The following CCSER1 variants were observed in gnomAD, a reference collection of about 807,000 sequenced individuals.
CCSER1 encodes the protein coiled-coil serine rich protein 1.
CCSER1 carries 41 observed loss-of-function variants against 82.0 expected under a neutral mutation model. The observed-to-expected ratio is 0.50, with a 90% confidence interval of 0.39 to 0.65. The LOEUF (loss-of-function observed/expected upper bound fraction) is 0.65, where lower values mean the gene tolerates loss of function less well. Among genes scored for constraint, CCSER1 ranks in the 30% least tolerant of loss-of-function variants. The pLI is 0.00. For synonymous variants in CCSER1, 414 were observed against 383.9 expected, an observed-to-expected ratio of 1.08 and a Z score of -0.92; for missense variants, 1,119 against 1,064.2, an observed-to-expected ratio of 1.05 and a Z score of -0.72.
At chr4:90,205,152 A>G (rs1017518322) in intron 1 of CCSER1, among the ~76,000 whole-genome samples, 2 of 152,166 alleles carry the variant, frequency 1.3e-5, no homozygotes, top group Non-Finnish European at 2.9e-5. Context: ...AGATAATTTG[A>G]TGTTCTGTCT....
At chr4:90,477,181 A>G (rs1450425935) in intron 5 of CCSER1, among the ~76,000 whole-genome samples, 1 of 152,216 alleles carries the variant, frequency 6.6e-6, no homozygotes, top group East Asian at 1.9e-4. Context: ...TCTTCTAGTA[A>G]TACTATAAAT....
chr4:91,567,451 T>G (rs13102194), intron 10 of CCSER1, among the ~76,000 whole-genome samples: 17 of 152,084 alleles, frequency 1.1e-4, no homozygotes, highest in African/African-American at 4.1e-4. Flanking sequence ...AATTTTCTGC[T>G]TCAGTTATCT....
At chr4:91,101,633 CA>C (rs33926247) in intron 10 of CCSER1, among the ~76,000 whole-genome samples, 8 of 146,590 alleles carry the variant, frequency 5.5e-5, no homozygotes, top group African/African-American at 1.0e-4. Flanking sequence ...GACTCCGTCT[CA>C]AAAAAAAAAA....
intron 5 of CCSER1, among the ~76,000 whole-genome samples, chr4:90,627,712 G>T (rs901019646): frequency 1.3e-5 from 2 of 151,958 alleles, no homozygotes; most frequent in African/African-American, 4.8e-5. Flanking sequence ...TGGAAGCAGT[G>T]GTGCACGCCT....
intron 5 of CCSER1, among the ~76,000 whole-genome samples, chr4:90,603,062 A>G (rs747136826): frequency 6.6e-6 from 1 of 152,214 alleles, no homozygotes; most frequent in African/African-American, 2.4e-5. Flanking sequence ...GAGGTTGTGT[A>G]GAAATGTCAG....
At chr4:90,393,772 C>CTTT (rs997027362) in intron 3 of CCSER1, among the ~76,000 whole-genome samples, 536 of 111,218 alleles carry the variant, frequency 4.8e-3, no homozygotes, top group East Asian at 0.023. Context: ...TTATATCTTC[C>CTTT]TTTTTTTTTT....
intron 1 of CCSER1, among the ~76,000 whole-genome samples, chr4:90,264,633 GT>G (rs1724926651): frequency 6.6e-6 from 1 of 151,876 alleles, no homozygotes; most frequent in Non-Finnish European, 1.5e-5. Context: ...TCTCCTTTTG[GT>G]GTCAATCAGT....
chr4:90,597,206 C>T (rs1579370625), intron 5 of CCSER1, among the ~76,000 whole-genome samples: 1 of 151,804 alleles, frequency 6.6e-6, no homozygotes, highest in Non-Finnish European at 1.5e-5. Flanking sequence ...GGAAAAATAC[C>T]GTAACCTGCA....
intron 5 of CCSER1, among the ~76,000 whole-genome samples, chr4:90,496,014 T>G (rs1227647689): frequency 6.6e-6 from 1 of 152,224 alleles, no homozygotes; most frequent in Non-Finnish European, 1.5e-5. Context: ...TTATGGTTAT[T>G]TGCTCAGAGT....
chr4:90,427,108 G>T (rs964328268), intron 4 of CCSER1, among the ~76,000 whole-genome samples: 4 of 152,014 alleles, frequency 2.6e-5, no homozygotes, highest in South Asian at 2.1e-4. Flanking sequence ...AGACAATTTT[G>T]TGTGTCTAAT....
chr4:90,464,882 A>T (rs1763414203), intron 4 of CCSER1, among the ~76,000 whole-genome samples: 1 of 152,350 alleles, frequency 6.6e-6, no homozygotes, highest in East Asian at 1.9e-4. Context: ...TTTTAAGTGC[A>T]ATTAAATAAT....
intron 10 of CCSER1, among the ~76,000 whole-genome samples, chr4:91,340,056 G>T (rs1747608316): frequency 6.6e-6 from 1 of 152,092 alleles, no homozygotes; most frequent in African/African-American, 2.4e-5. Flanking sequence ...GGCAGAGGTT[G>T]CAGTGAGCCA....
chr4:90,934,923 C>A lies in CCSER1; in HGVS notation c.2172+11476C>A, dbSNP rs191384296. Reference sequence around the variant, plus strand: ...TCCAGCCTGGGCAACAAGAGTGAAACTCCATCACACACACACACGCACACA... The same window carrying A: ...TCCAGCCTGGGCAACAAGAGTGAAAATCCATCACACACACACACGCACACA... On this transcript the variant is annotated intron_variant, in intron 9 of 10. Coordinates refer to ENST00000509176, the MANE Select transcript of CCSER1 (RefSeq NM_001145065.2). 1.1e-3 allele frequency among the ~76,000 whole-genome samples: 171 copies of A among 152,066 alleles called. 1 individual carries two copies. Among genetic ancestry groups the A allele is most frequent in the Non-Finnish European group, 1.0e-4 (7 of 67,988 alleles).
chr4:90,438,014 C>A (rs530644555), intron 4 of CCSER1, among the ~76,000 whole-genome samples: 1 of 152,174 alleles, frequency 6.6e-6, no homozygotes, highest in East Asian at 1.9e-4. Flanking sequence ...ATCTACATCT[C>A]CACAGTTCTG....
intron 6 of CCSER1, among the ~76,000 whole-genome samples, chr4:90,654,283 G>A (rs903684071): frequency 1.3e-5 from 2 of 152,004 alleles, no homozygotes. Flanking sequence ...TTAAGATTTT[G>A]TTATCCAATG....
chr4:90,435,507 G>A (rs1758881929), intron 4 of CCSER1, among the ~76,000 whole-genome samples: 1 of 151,990 alleles, frequency 6.6e-6, no homozygotes, highest in African/African-American at 2.4e-5. Context: ...AAATTCTGTG[G>A]AATGTTTATC....
intron 1 of CCSER1, among the ~76,000 whole-genome samples, chr4:90,297,882 T>C (rs1732292438): frequency 6.6e-6 from 1 of 152,138 alleles, no homozygotes. Flanking sequence ...GATGTGCTGC[T>C]GGATTCGGTT....
At chr4:91,134,450 C>A (rs961820765) in intron 10 of CCSER1, among the ~76,000 whole-genome samples, 5 of 151,140 alleles carry the variant, frequency 3.3e-5, no homozygotes, top group Non-Finnish European at 5.9e-5. Context: ...AACAAAAAAA[C>A]AAAATAATCT....
chr4:90,657,290 A>G (rs1729872131), intron 6 of CCSER1, among the ~76,000 whole-genome samples: 1 of 151,976 alleles, frequency 6.6e-6, no homozygotes, highest in Non-Finnish European at 1.5e-5. Context: ...TATTCAAAAG[A>G]GATTTTGTTT....
Sources: gnomAD v4.1 joint callset for allele counts (sites outside exome capture counted in the v4.1 genomes callset) on GRCh38, gnomAD v4.1.1 for gene constraint, MANE v1.5 for transcripts, NCBI Gene and HGNC (gene_info 2026-07-23, HGNC 2026-07-21) for gene names.